The following KLF8 variants were observed in gnomAD, a reference collection of about 807,000 sequenced individuals.
KLF8 encodes Krueppel-like factor 8.
KLF8 carries 10 observed loss-of-function variants against 18.2 expected under a neutral mutation model. The observed-to-expected ratio is 0.55, with a 90% CI of 0.34 to 0.93. KLF8 has a LOEUF of 0.93. Among genes scored for constraint, KLF8 ranks in the 40% least tolerant of loss-of-function variants. KLF8 has a pLI of 0.02. For missense variants in KLF8, 264 were observed against 277.9 expected, an observed-to-expected ratio of 0.95 and a Z score of 0.36; for synonymous variants, 109 against 97.3, an observed-to-expected ratio of 1.12 and a Z score of -0.71.
chrX:55,988,076 A>G, the KLF8 span, among the ~76,000 whole-genome samples: 1 of 111,330 alleles, frequency 9.0e-6, no homozygotes, highest in African/African-American at 3.3e-5. Flanking sequence ...AATTTGTTTG[A>G]GTTCATTGTA....
At chrX:56,098,355 G>C in the KLF8 span, among the ~76,000 whole-genome samples, 16 of 111,740 alleles carry the variant, frequency 1.4e-4, no homozygotes, top group Admixed American at 1.3e-3. Context: ...TAGCCAATGT[G>C]ATAAACAAAG....
At chrX:56,094,228 A>G in the KLF8 span, among the ~76,000 whole-genome samples, 1 of 110,688 alleles carries the variant, frequency 9.0e-6, no homozygotes, top group Non-Finnish European at 1.9e-5. Flanking sequence ...ACAGACTTTA[A>G]ATATAAAGAC....
chrX:56,168,830 T>A, the KLF8 span, among the ~76,000 whole-genome samples: 4 of 111,292 alleles, frequency 3.6e-5, no homozygotes, highest in Non-Finnish European at 5.7e-5. Context: ...CATGAACTCA[T>A]CCTTTTTTAT....
At chrX:55,957,968 A>C in the KLF8 span, among the ~76,000 whole-genome samples, 3 of 112,453 alleles carry the variant, frequency 2.7e-5, no homozygotes, top group African/African-American at 9.7e-5. Context: ...GAAATTAAAT[A>C]ACTTTTTCAA....
chrX:56,161,334 G>T, the KLF8 span, among the ~76,000 whole-genome samples: 7 of 111,622 alleles, frequency 6.3e-5, no homozygotes, highest in African/African-American at 2.3e-4. Context: ...AATTGCGGAA[G>T]TTCTCCTGGA....
At position 56,286,399 on chromosome X, in the gene KLF8, C is replaced by G. The variant is rs993296660; in HGVS notation, c.*1905C>G. On this transcript the variant is annotated 3_prime_UTR_variant, in exon 6 of 6. Coordinates refer to ENST00000468660, the MANE Select transcript of KLF8 (RefSeq NM_007250.5). ...AACTCCTGACCTCAAGTGATCCCCC[C>G]ACCTCGGCCTCCCAAAGTGCTGGGA... 1.8e-5 allele frequency: 2 copies of G among 111,972 alleles called. No individual in the cohort carries two copies. The highest frequency in any genetic ancestry group is 3.8e-5 in the Non-Finnish European group (2 of 53,221). 9.2% of individuals were successfully genotyped at this position (111,972 alleles called of 1,213,427 possible). A position where few individuals can be genotyped will look rare whatever the true frequency, so the allele number is the denominator to read the frequency against.
At chrX:56,087,611 A>C in the KLF8 span, among the ~76,000 whole-genome samples, 2 of 110,998 alleles carry the variant, frequency 1.8e-5, no homozygotes, top group Non-Finnish European at 3.8e-5. Flanking sequence ...TAAATTATCC[A>C]GTATCAGGTT....
the KLF8 span, among the ~76,000 whole-genome samples, chrX:56,060,172 C>CT: frequency 9.0e-6 from 1 of 111,414 alleles, no homozygotes; most frequent in East Asian, 2.8e-4. Flanking sequence ...TTGAATACCT[C>CT]TTATTTTTTT....
chrX:56,000,492 A>C, the KLF8 span, among the ~76,000 whole-genome samples: 2 of 17,929 alleles, frequency 1.1e-4, no homozygotes, highest in Admixed American at 9.6e-4. Context: ...GGGGGGAGGG[A>C]TTTTTTTTTA....
At chrX:56,189,011 T>C in the KLF8 span, among the ~76,000 whole-genome samples, 3 of 110,960 alleles carry the variant, frequency 2.7e-5, no homozygotes, top group Non-Finnish European at 5.7e-5. Flanking sequence ...AAAGCAAAAA[T>C]TGACAAATGG....
At chrX:56,090,676 G>A in the KLF8 span, among the ~76,000 whole-genome samples, 2 of 110,873 alleles carry the variant, frequency 1.8e-5, no homozygotes, top group Admixed American at 1.9e-4. Context: ...ATAAATTCAG[G>A]GGGTACCCAT....
chrX:56,251,057 T>C (rs2066702998), intron 2 of KLF8, among the ~76,000 whole-genome samples: 1 of 112,953 alleles, frequency 8.9e-6, no homozygotes, highest in Non-Finnish European at 1.9e-5. Context: ...GAATAATGTT[T>C]GACCAAATAT....
At chrX:55,932,623 A>G in the KLF8 span, among the ~76,000 whole-genome samples, 1 of 111,522 alleles carries the variant, frequency 9.0e-6, no homozygotes, top group African/African-American at 3.3e-5. Context: ...TCCTTCACTT[A>G]TGAAGCTCAG....
chrX:55,989,640 C>A, the KLF8 span, among the ~76,000 whole-genome samples: 2 of 111,341 alleles, frequency 1.8e-5, no homozygotes, highest in Non-Finnish European at 3.8e-5. Flanking sequence ...CGATGTTCGT[C>A]GGGGATATTG....
Position 56,270,187 on chromosome X carries a change from C to G in KLF8, c.764C>G (p.Ala255Gly). Residue 255 changes from alanine to glycine, a missense_variant, in exon 5 of 6, where the codon GCA becomes GGA. This residue lies in a region of KLF8 where 221 missense variants were observed against 193.6 expected (regional missense o/e 1.14). Coordinates refer to ENST00000468660, the MANE Select transcript of KLF8 (RefSeq NM_007250.5). ...QSLQGLQQEP[A>G]AMAQMQGEES... The stretch of plus-strand genomic sequence containing the variant: ...ATCTCTATTTCTTTGATCAGACCAG[C>G]AGCAATGGCCCAAATGCAGGGAGAA... 8.3e-7 allele frequency: 1 copy of G among 1,208,139 alleles called. No homozygotes were observed. The highest frequency in any genetic ancestry group is 1.1e-6 in the Non-Finnish European group (1 of 893,569).
the KLF8 span, among the ~76,000 whole-genome samples, chrX:56,012,136 C>A: frequency 8.9e-6 from 1 of 111,950 alleles, no homozygotes; most frequent in Non-Finnish European, 1.9e-5. Context: ...CAAAACCTAG[C>A]AGATATACAA....
the KLF8 span, among the ~76,000 whole-genome samples, chrX:55,931,586 GTTTCAGAGAA>G: frequency 1.3e-4 from 15 of 111,712 alleles, no homozygotes; most frequent in African/African-American, 4.9e-4. Context: ...GTTCGTATTA[GTTTCAGAGAA>G]TTTATTTATT....
chrX:56,022,046 C>G, the KLF8 span, among the ~76,000 whole-genome samples: 1 of 109,053 alleles, frequency 9.2e-6, no homozygotes, highest in Non-Finnish European at 1.9e-5. Context: ...CAAAATGAAA[C>G]AAACAAAAAG....
the KLF8 span, among the ~76,000 whole-genome samples, chrX:56,157,423 T>A: frequency 1.2e-4 from 13 of 110,916 alleles, no homozygotes; most frequent in South Asian, 5.0e-3. Flanking sequence ...GATGGCTGGG[T>A]CAAATAGTAT....
Sources: gnomAD v4.1 joint callset for allele counts (sites outside exome capture counted in the v4.1 genomes callset) on GRCh38, gnomAD v4.1.1 for gene constraint, gnomAD v4.1.1 regional missense constraint, MANE v1.5 for transcripts, NCBI Gene and HGNC (gene_info 2026-07-23, HGNC 2026-07-21) for gene names.